COLEC12: variants seen among roughly 807,000 people sequenced by gnomAD.
COLEC12 encodes the protein collectin subfamily member 12.
COLEC12 carries 33 observed loss-of-function variants against 71.1 expected under a neutral mutation model. The observed-to-expected ratio is 0.46, with a 90% CI of 0.35 to 0.62. The LOEUF (loss-of-function observed/expected upper bound fraction) is 0.62. Among genes scored for constraint, COLEC12 ranks in the 20% least tolerant of loss-of-function variants. The probability of loss-of-function intolerance (pLI) is 0.00; values close to 1 mark genes in which losing one functional copy is unlikely to be tolerated. For missense variants in COLEC12, 765 were observed against 916.1 expected, an observed-to-expected ratio of 0.84 and a Z score of 2.13; for synonymous variants, 350 against 353.0, an observed-to-expected ratio of 0.99 and a Z score of 0.10.
chr18:455,309 A>G (rs1422550132), intron 2 of COLEC12, among the ~76,000 whole-genome samples: 2 of 127,478 alleles, frequency 1.6e-5, no homozygotes, highest in African/African-American at 3.0e-5. Flanking sequence ...ACAGAGTTTC[A>G]CTCTGTCACC....
rs1258282687 is a variant in COLEC12 at position 345,423 on chromosome 18, G to C, written c.1327+872C>G. On this transcript the variant is annotated intron_variant, in intron 5 of 9. Transcript: ENST00000400256. ...AGATGGGATATTGCTATGTTGCCCAGGCTGGTCTCAAACTCCTGGTCTCAA... is the reference window on the plus strand; with the variant it reads ...AGATGGGATATTGCTATGTTGCCCACGCTGGTCTCAAACTCCTGGTCTCAA... Among the ~76,000 whole-genome samples, 6 of 152,124 alleles carry C rather than the reference G, an allele frequency of 3.9e-5. No individual in the cohort carries two copies. The East Asian group carries it at 1.2e-3, about 29-fold the overall frequency.
chr18:442,002 T>TACAC (rs56024245), intron 2 of COLEC12, among the ~76,000 whole-genome samples: 8,908 of 120,456 alleles, frequency 0.074, 385 homozygotes, highest in Non-Finnish European at 0.093. Flanking sequence ...TCTCTCTCTC[T>TACAC]ACACACACAC....
chr18:331,794 G>A lies in COLEC12; in HGVS notation c.1954-17C>T. 6.7e-7 allele frequency: 1 copy of A among 1,496,798 alleles called. No individual in the cohort carries two copies. The highest frequency in any genetic ancestry group is 9.3e-7 in the Non-Finnish European group (1 of 1,072,754). The allele number at this position is 1,496,798 out of a possible 1,614,324, so 92.7% of individuals were successfully genotyped here. On this transcript the variant is annotated splice_polypyrimidine_tract_variant and intron_variant, in intron 7 of 9. Transcript: ENST00000400256. ...TATCCATTGCTGAAAAACAAAGCAG[G>A]GGTGGTGCGTGACTATTTTTCAGAA...
At chr18:326,577 G>A (rs865822712) in intron 8 of COLEC12, among the ~76,000 whole-genome samples, 8 of 152,156 alleles carry the variant, frequency 5.3e-5, no homozygotes, top group African/African-American at 1.9e-4. Flanking sequence ...TCGAACTCTT[G>A]GCCTCAGGTG....
chr18:385,031 G>A (rs1915313884), intron 2 of COLEC12, among the ~76,000 whole-genome samples: 1 of 152,204 alleles, frequency 6.6e-6, no homozygotes, highest in Admixed American at 6.5e-5. Flanking sequence ...GCTGATTTAA[G>A]AAGGCAGAAC....
In COLEC12 at chr18:329,659, G is replaced by C. The variant is rs539828390; in HGVS notation, c.2063+2009C>G. ...AGGACAGGCGCAGAGGAGCCGACGA[G>C]TCTCTGACAGGCCTGCAGCAGATAT... On this transcript the variant is annotated intron_variant, in intron 8 of 9. Transcript: ENST00000400256. 2.0e-5 allele frequency among the ~76,000 whole-genome samples: 3 copies of C among 152,358 alleles called. No individual in the cohort carries two copies. In the South Asian group the frequency reaches 6.2e-4, roughly 32 times the overall value.
chr18:330,875 T>TTC (rs896965333), intron 8 of COLEC12, among the ~76,000 whole-genome samples: 3 of 148,592 alleles, frequency 2.0e-5, no homozygotes, highest in African/African-American at 7.5e-5. Flanking sequence ...CATTTGTAGT[T>TTC]TTTTTTTTTT....
chr18:350,577 G>A (rs1032078088), intron 3 of COLEC12, among the ~76,000 whole-genome samples: 1 of 152,108 alleles, frequency 6.6e-6, no homozygotes, highest in Non-Finnish European at 1.5e-5. Context: ...GTGAGATACA[G>A]CTTCTAGCAG....
At chr18:445,092 C>T (rs761221008) in intron 2 of COLEC12, among the ~76,000 whole-genome samples, 11 of 152,174 alleles carry the variant, frequency 7.2e-5, no homozygotes, top group Non-Finnish European at 1.6e-4. Flanking sequence ...TGAAGTTTGG[C>T]ACTCTGGGGT....
chr18:414,920 C>T (rs911714529), intron 2 of COLEC12, among the ~76,000 whole-genome samples: 1 of 152,208 alleles, frequency 6.6e-6, no homozygotes, highest in Non-Finnish European at 1.5e-5. Context: ...GTGCAATCAC[C>T]TGCAAAGCAA....
At chr18:330,873 G>GT (rs60146586) in intron 8 of COLEC12, among the ~76,000 whole-genome samples, 114,184 of 133,692 alleles carry the variant, frequency 0.85, 49,564 homozygotes, top group South Asian at 0.95. Flanking sequence ...CACATTTGTA[G>GT]TTTTTTTTTT....
At chr18:417,482 G>A (rs1567901775) in intron 2 of COLEC12, among the ~76,000 whole-genome samples, 2 of 152,160 alleles carry the variant, frequency 1.3e-5, no homozygotes, top group Non-Finnish European at 2.9e-5. Context: ...GGTTATAGTG[G>A]TGACCAACAC....
intron 2 of COLEC12, among the ~76,000 whole-genome samples, chr18:457,147 G>A (rs999144401): frequency 2.6e-5 from 4 of 152,184 alleles, no homozygotes; most frequent in African/African-American, 9.7e-5. Flanking sequence ...TGGCTGCACA[G>A]TGAGGCCTGC....
rs76270545 is a variant in COLEC12, at chr18:441,105, A to C, written c.58+39602T>G. The stretch of plus-strand genomic sequence containing the variant: ...CTACTAAAAATACAAAAAATTGGCC[A>C]GGCGTGGTGGCGGGCGCCTGTAGTC... On this transcript the variant is annotated intron_variant, in intron 2 of 9. Coordinates refer to ENST00000400256, the MANE Select transcript of COLEC12 (RefSeq NM_130386.3). Among the ~76,000 whole-genome samples, 42 of 128,436 alleles carry C rather than the reference A, an allele frequency of 3.3e-4. No individual in the cohort carries two copies. In the South Asian group the frequency reaches 7.5e-3, roughly 23 times the overall value. The allele number at this position is 128,436 out of a possible 152,430, so 84.3% of individuals were successfully genotyped here. A position where few individuals can be genotyped will look rare whatever the true frequency, so the allele number is the denominator to read the frequency against.
At chr18:360,108 T>C (rs373904442) in intron 2 of COLEC12, among the ~76,000 whole-genome samples, 8 of 152,164 alleles carry the variant, frequency 5.3e-5, no homozygotes, top group Admixed American at 2.0e-4. Context: ...TGAGAGTCAC[T>C]TGAAGCAGTC....
At chr18:497,868 A>T (rs1308554192) in intron 1 of COLEC12, among the ~76,000 whole-genome samples, 5 of 152,228 alleles carry the variant, frequency 3.3e-5, no homozygotes, top group Non-Finnish European at 7.3e-5. Context: ...AAACAATTCC[A>T]CTTGGTAAAA....
intron 2 of COLEC12, among the ~76,000 whole-genome samples, chr18:363,010 C>T (rs536785808): frequency 2.8e-4 from 42 of 152,140 alleles, no homozygotes; most frequent in African/African-American, 9.4e-4. Context: ...GTTCCAACAA[C>T]ACATTTCAAG....
chr18:466,413 T>C (rs184130577), intron 2 of COLEC12, among the ~76,000 whole-genome samples: 173 of 152,314 alleles, frequency 1.1e-3, no homozygotes, highest in African/African-American at 4.0e-3. Flanking sequence ...GTCTCCTTCC[T>C]TTCGCAGACT....
chr18:455,511 G>A (rs1266316828), intron 2 of COLEC12, among the ~76,000 whole-genome samples: 1 of 152,056 alleles, frequency 6.6e-6, no homozygotes, highest in Non-Finnish European at 1.5e-5. Flanking sequence ...TAAGTTCTGG[G>A]ATACATGTGC....
Sources: gnomAD v4.1 joint callset for allele counts (sites outside exome capture counted in the v4.1 genomes callset) on GRCh38, gnomAD v4.1.1 for gene constraint, MANE v1.5 for transcripts, NCBI Gene and HGNC (gene_info 2026-07-23, HGNC 2026-07-21) for gene names.